Variants in ESRRG observed in about 807,000 individuals in gnomAD.
The protein encoded by ESRRG is estrogen-related receptor gamma.
ESRRG carries 13 observed loss-of-function variants against 44.0 expected under a neutral mutation model. The ratio of observed to expected loss-of-function variants is 0.30; its 90% CI spans 0.19 to 0.47. The LOEUF is 0.47. Ranked by LOEUF, ESRRG falls within the 20% of genes least tolerant of loss-of-function variation. The probability of loss-of-function intolerance (pLI) is 1.00; values close to 1 mark genes in which losing one functional copy is unlikely to be tolerated. For missense variants in ESRRG, 395 were observed against 580.6 expected, an observed-to-expected ratio of 0.68 and a Z score of 3.29; for synonymous variants, 215 against 214.6, an observed-to-expected ratio of 1.00 and a Z score of -0.02.
At chr1:216,868,772 C>T (rs79819777) in intron 2 of ESRRG, among the ~76,000 whole-genome samples, 2,342 of 152,252 alleles carry the variant, frequency 0.015, 75 homozygotes, top group African/African-American at 0.054. Context: ...TAGTGATATG[C>T]AATAAATTTC....
At chr1:216,995,762 A>G (rs1278330265) in intron 1 of ESRRG, among the ~76,000 whole-genome samples, 1 of 152,232 alleles carries the variant, frequency 6.6e-6, no homozygotes, top group Non-Finnish European at 1.5e-5. Flanking sequence ...AATAATATGA[A>G]TAAATAAATG....
chr1:216,782,907 A>G (rs2093985971), intron 2 of ESRRG, among the ~76,000 whole-genome samples: 1 of 152,118 alleles, frequency 6.6e-6, no homozygotes, highest in Non-Finnish European at 1.5e-5. Context: ...TAGGTATTCA[A>G]TCTTTTGAAT....
At chr1:216,510,750 T>A (rs1571961007) in intron 6 of ESRRG, among the ~76,000 whole-genome samples, 1 of 151,938 alleles carries the variant, frequency 6.6e-6, no homozygotes, top group Middle Eastern at 3.4e-3. Context: ...CCGGGCGTAG[T>A]GGTGGGCGCC....
chr1:217,051,891 T>C (rs1349266731), intron 1 of ESRRG, among the ~76,000 whole-genome samples: 1 of 152,048 alleles, frequency 6.6e-6, no homozygotes, highest in Non-Finnish European at 1.5e-5. Context: ...GCCTCCTGAG[T>C]AGTTGGAAAC....
intron 2 of ESRRG, among the ~76,000 whole-genome samples, chr1:216,849,954 A>T (rs548500174): frequency 6.6e-6 from 1 of 152,238 alleles, no homozygotes; most frequent in South Asian, 2.1e-4. Flanking sequence ...TTAGTGAATG[A>T]TTTATTGTAA....
intron 2 of ESRRG, among the ~76,000 whole-genome samples, chr1:216,667,225 AT>A (rs2074127765): frequency 6.6e-6 from 1 of 152,230 alleles, no homozygotes; most frequent in African/African-American, 2.4e-5. Context: ...GGAAAAATAA[AT>A]AAGAGTACAT....
intron 2 of ESRRG, among the ~76,000 whole-genome samples, chr1:216,801,912 A>C (rs2148315625): frequency 6.6e-6 from 1 of 152,270 alleles, no homozygotes; most frequent in South Asian, 2.1e-4. Flanking sequence ...CATTTGAGGC[A>C]TCCCATTACT....
chr1:217,126,527 A>T (rs2092892913), intron 1 of ESRRG, among the ~76,000 whole-genome samples: 1 of 152,118 alleles, frequency 6.6e-6, no homozygotes, highest in South Asian at 2.1e-4. Flanking sequence ...TGTTGGCCAA[A>T]TCATGGTGAG....
chr1:216,825,179 A>G (rs1442499348), intron 2 of ESRRG, among the ~76,000 whole-genome samples: 1 of 152,132 alleles, frequency 6.6e-6, no homozygotes, highest in Non-Finnish European at 1.5e-5. Context: ...CATTACCTCT[A>G]CATGTCAATT....
At chr1:216,939,257 AG>A (rs2064710921) in intron 2 of ESRRG, among the ~76,000 whole-genome samples, 1 of 151,206 alleles carries the variant, frequency 6.6e-6, no homozygotes, top group Admixed American at 6.6e-5. Context: ...AATAGAAACA[AG>A]GGCAAAACCT....
intron 2 of ESRRG, among the ~76,000 whole-genome samples, chr1:216,793,680 T>C (rs1383023777): frequency 6.6e-6 from 1 of 152,176 alleles, no homozygotes; most frequent in African/African-American, 2.4e-5. Context: ...TTATAGATAT[T>C]TGTTGTTTTA....
intron 5 of ESRRG, 72 bp downstream of exon 5, chr1:216,564,146 AC>A: frequency 1.1e-6 from 1 of 914,354 alleles, no homozygotes; most frequent in Non-Finnish European, 1.6e-6. Flanking sequence ...ATTTGAATTC[AC>A]CCAAATCTAT....
rs1355054136 is a variant in ESRRG, at chr1:216,569,107, AGGAAGAAG to A, written c.590-1017_590-1010del. On this transcript the variant is annotated intron_variant, in intron 3 of 6. Transcript: ENST00000408911. Reference sequence around the variant, plus strand: ...AAGGAAGGAAGGAAGGAAGGAAGGAAGGAAGAAGGAAGGAAGGAAGGAAGGAAAGAAGG... The same window carrying A: ...AAGGAAGGAAGGAAGGAAGGAAGGAAGAAGGAAGGAAGGAAGGAAAGAAGG... Among the ~76,000 whole-genome samples, 42 of 120,344 alleles carry A rather than the reference AGGAAGAAG, an allele frequency of 3.5e-4. 1 individual carries two copies. The highest frequency in any genetic ancestry group is 8.4e-4 in the African/African-American group (28 of 33,188). The allele number at this position is 120,344 out of a possible 152,430, so 79.0% of individuals were successfully genotyped here.
chr1:217,071,818 G>A (rs2090599111), intron 1 of ESRRG, among the ~76,000 whole-genome samples: 1 of 152,146 alleles, frequency 6.6e-6, no homozygotes, highest in South Asian at 2.1e-4. Context: ...AATTTCAGAT[G>A]AGGAAAGAGA....
intron 1 of ESRRG, among the ~76,000 whole-genome samples, chr1:216,987,765 C>T (rs1470364191): frequency 6.6e-6 from 1 of 152,116 alleles, no homozygotes; most frequent in Admixed American, 6.6e-5. Flanking sequence ...AACTTTTTTG[C>T]TCAAAGGCAT....
intron 1 of ESRRG, among the ~76,000 whole-genome samples, chr1:216,986,549 AAAT>A (rs758266827): frequency 5.3e-5 from 8 of 151,542 alleles, no homozygotes; most frequent in African/African-American, 1.2e-4. Context: ...CGTCTCTGTA[AAAT>A]AATAATAATA....
intron 1 of ESRRG, among the ~76,000 whole-genome samples, chr1:217,009,871 A>G (rs1041905070): frequency 2.0e-5 from 3 of 151,632 alleles, no homozygotes; most frequent in African/African-American, 7.3e-5. Flanking sequence ...GTATCTGGCT[A>G]ATTTTTGTAT....
chr1:216,765,012 G>A (rs527679990), intron 2 of ESRRG, among the ~76,000 whole-genome samples: 1 of 152,136 alleles, frequency 6.6e-6, no homozygotes, highest in South Asian at 2.1e-4. Context: ...GCTTGGTGAG[G>A]GCCGGGGGCA....
At chr1:216,515,593 G>A (rs1014559009) in intron 6 of ESRRG, among the ~76,000 whole-genome samples, 5 of 152,126 alleles carry the variant, frequency 3.3e-5, no homozygotes, top group African/African-American at 7.2e-5. Context: ...TAACCAAATT[G>A]TTATTTGTAG....
Sources: gnomAD v4.1 joint callset for allele counts (sites outside exome capture counted in the v4.1 genomes callset) on GRCh38, gnomAD v4.1.1 for gene constraint, MANE v1.5 for transcripts, NCBI Gene and HGNC (gene_info 2026-07-23, HGNC 2026-07-21) for gene names.